The following SFMBT1 variants were observed in gnomAD, a reference collection of about 807,000 sequenced individuals.
SFMBT1 encodes the protein scm-like with four MBT domains protein 1.
Under a neutral mutation model 108.7 loss-of-function variants are expected in SFMBT1, and 32 were observed. The ratio of observed to expected loss-of-function variants is 0.29; its 90% CI spans 0.22 to 0.40. SFMBT1 has a LOEUF of 0.40. Among genes scored for constraint, SFMBT1 ranks in the 10% least tolerant of loss-of-function variants. The pLI, the probability that SFMBT1 is intolerant of heterozygous loss-of-function variation, is 1.00. For missense variants in SFMBT1, 816 were observed against 1,059.6 expected (o/e 0.77, Z 3.19); for synonymous variants, 348 against 369.5 (o/e 0.94, Z 0.67).
intron 17 of SFMBT1, among the ~76,000 whole-genome samples, chr3:52,908,097 T>TG (rs1387919685): frequency 2.7e-5 from 4 of 147,680 alleles, no homozygotes; most frequent in African/African-American, 1.0e-4. Flanking sequence ...TTTTTTGAGA[T>TG]GGAGTCTTGC....
chr3:52,920,416 A>G (rs1240248108), intron 12 of SFMBT1, 121 bp downstream of exon 12: 3 of 733,430 alleles, frequency 4.1e-6, no homozygotes, highest in Non-Finnish European at 7.1e-6. Context: ...TTTCCTATGC[A>G]GGAACAGAGA....
chr3:52,965,273 T>C (rs529500454), intron 2 of SFMBT1, among the ~76,000 whole-genome samples: 42 of 149,752 alleles, frequency 2.8e-4, no homozygotes, highest in Non-Finnish European at 4.9e-4. Context: ...ATGAGTAAAA[T>C]TGAAGACAAA....
Position 52,948,971 on chromosome 3 carries a change from A to AT in SFMBT1, c.123+5345dup, listed in dbSNP as rs964311321. ...AGCCACTGCACCCAGCATCCTTGCA[A>AT]TTTTTTTTACATTTAATCCTAGACA... On this transcript the variant is annotated intron_variant, in intron 3 of 20. Coordinates refer to ENST00000394752, the MANE Select transcript of SFMBT1 (RefSeq NM_016329.4). Among the ~76,000 whole-genome samples the AT allele has an allele frequency of 4.0e-5, 6 of 150,916 alleles. No homozygotes were observed. The East Asian group carries it at 9.7e-4, about 24-fold the overall frequency.
At chr3:53,020,322 G>A (rs1257344525) in intron 1 of SFMBT1, among the ~76,000 whole-genome samples, 2 of 152,010 alleles carry the variant, frequency 1.3e-5, no homozygotes, top group Non-Finnish European at 2.9e-5. Context: ...CCTGGGAGGC[G>A]GAGGTTGCAG....
At chr3:53,042,627 G>A (rs1700094073) in intron 1 of SFMBT1, among the ~76,000 whole-genome samples, 1 of 152,200 alleles carries the variant, frequency 6.6e-6, no homozygotes, top group Non-Finnish European at 1.5e-5. Context: ...ATAGGCGTGA[G>A]CCACTGTGCC....
In SFMBT1 at chr3:52,980,121, TAA is replaced by T. The variant is rs146484110; in HGVS notation, c.-130-10865_-130-10864del. ...CCACTTTTATATACAAATCTATTATTAAAAGTTAAAAAATATCAAAACTTATA... is the reference window on the plus strand; with the variant it reads ...CCACTTTTATATACAAATCTATTATTAAGTTAAAAAATATCAAAACTTATA... On this transcript the variant is annotated intron_variant, in intron 1 of 20. Coordinates refer to ENST00000394752, the MANE Select transcript of SFMBT1 (RefSeq NM_016329.4). Among the ~76,000 whole-genome samples, 1,425 of 152,314 alleles carry T rather than the reference TAA, an allele frequency of 9.4e-3. 17 individuals carry two copies. Among genetic ancestry groups the T allele is most frequent in the African/African-American group, 0.032 (1,335 of 41,570 alleles).
In SFMBT1 at chr3:52,928,351, C is replaced by G. The variant is rs201063591; in HGVS notation, c.898-10G>C. Reference sequence around the variant, plus strand: ...ACTTCTCATCAAAAACCTATACATGCAATTAATAGATGAAATAGACAAATG... The same window carrying G: ...ACTTCTCATCAAAAACCTATACATGGAATTAATAGATGAAATAGACAAATG... On this transcript the variant is annotated splice_polypyrimidine_tract_variant and intron_variant, in intron 8 of 20. Coordinates refer to ENST00000394752, the MANE Select transcript of SFMBT1 (RefSeq NM_016329.4). The G allele has an allele frequency of 8.8e-5, 142 of 1,611,960 alleles. No individual in the cohort carries two copies. The African/African-American group carries it at 1.5e-3, about 17-fold the overall frequency.
chr3:52,972,302 T>C (rs933270149), intron 1 of SFMBT1, among the ~76,000 whole-genome samples: 4 of 152,220 alleles, frequency 2.6e-5, no homozygotes, highest in African/African-American at 7.2e-5. Flanking sequence ...GTGACATTTT[T>C]TCAACCTTAC....
At chr3:52,967,589 T>A (rs1030417629) in intron 2 of SFMBT1, among the ~76,000 whole-genome samples, 5 of 152,120 alleles carry the variant, frequency 3.3e-5, no homozygotes. Flanking sequence ...TTCAATAAAG[T>A]TTTTTGAAAA....
At chr3:52,982,596 G>C (rs1440974554) in intron 1 of SFMBT1, among the ~76,000 whole-genome samples, 1 of 151,956 alleles carries the variant, frequency 6.6e-6, no homozygotes, top group African/African-American at 2.4e-5. Context: ...GGACATGGTG[G>C]CATATGCCTG....
At chr3:52,916,272 A>G (rs1702352352) in intron 13 of SFMBT1, 58 bp from the exon 14 acceptor site, 1 of 1,488,614 alleles carries the variant, frequency 6.7e-7, no homozygotes, top group Non-Finnish European at 9.3e-7. Flanking sequence ...GTAAAGTGTG[A>G]GGCTTAGTTT....
At chr3:52,920,757 T>C in intron 11 of SFMBT1, 107 bp from the exon 12 acceptor site, 1 of 647,788 alleles carries the variant, frequency 1.5e-6, no homozygotes, top group Non-Finnish European at 2.7e-6. Flanking sequence ...ACTCTTATAA[T>C]AATGCAGACA....
intron 1 of SFMBT1, among the ~76,000 whole-genome samples, chr3:53,017,931 A>T (rs1699180539): frequency 1.3e-5 from 2 of 152,184 alleles, no homozygotes; most frequent in Non-Finnish European, 2.9e-5. Context: ...AAAATTGCAT[A>T]CTTAGAAAAT....
intron 10 of SFMBT1, among the ~76,000 whole-genome samples, chr3:52,922,293 A>G (rs543349487): frequency 6.6e-6 from 1 of 152,304 alleles, no homozygotes; most frequent in South Asian, 2.1e-4. Context: ...CATGTGTATC[A>G]TAAGAGGCAG....
intron 1 of SFMBT1, among the ~76,000 whole-genome samples, chr3:53,035,898 CGTAA>C (rs1402552706): frequency 6.6e-6 from 1 of 152,170 alleles, no homozygotes; most frequent in African/African-American, 2.4e-5. Context: ...CGGCCAGAGA[CGTAA>C]GTAAATTTTG....
At chr3:52,935,500 G>C (rs1275538384) in intron 4 of SFMBT1, among the ~76,000 whole-genome samples, 1 of 152,120 alleles carries the variant, frequency 6.6e-6, no homozygotes, top group Non-Finnish European at 1.5e-5. Flanking sequence ...CAGATAATTT[G>C]CCAATGCCTG....
At chr3:52,981,356 G>A (rs1443700629) in intron 1 of SFMBT1, among the ~76,000 whole-genome samples, 1 of 150,972 alleles carries the variant, frequency 6.6e-6, no homozygotes, top group South Asian at 2.1e-4. Context: ...ATTTCCACCT[G>A]AATAGGTTTC....
intron 2 of SFMBT1, among the ~76,000 whole-genome samples, chr3:52,961,980 GAT>G (rs1260831864): frequency 6.6e-6 from 1 of 152,142 alleles, no homozygotes; most frequent in Non-Finnish European, 1.5e-5. Flanking sequence ...TGATGAGCAA[GAT>G]ATATGAGAGT....
At chr3:52,937,452 TA>T (rs1241879249) in intron 4 of SFMBT1, among the ~76,000 whole-genome samples, 3 of 152,330 alleles carry the variant, frequency 2.0e-5, no homozygotes, top group African/African-American at 7.2e-5. Context: ...TCTAGTTGCA[TA>T]AAATATTTAC....
Sources: allele counts gnomAD v4.1 joint callset (sites outside exome capture counted in the v4.1 genomes callset), GRCh38; gene constraint gnomAD v4.1.1; transcripts MANE v1.5; gene names NCBI Gene and HGNC (gene_info 2026-07-23, HGNC 2026-07-21).